The following FAM20C variants were observed in gnomAD, a reference collection of about 807,000 sequenced individuals.
FAM20C encodes extracellular serine/threonine protein kinase FAM20C.
In FAM20C, 40 loss-of-function variants were observed where a neutral mutation model predicts 51.5. The ratio of observed to expected loss-of-function variants is 0.78; its 90% CI spans 0.60 to 1.01. The LOEUF (loss-of-function observed/expected upper bound fraction) is 1.01. FAM20C is among the 50% of genes least tolerant of loss of function. The pLI is 0.00. For missense variants in FAM20C, 861 were observed against 844.7 expected (o/e 1.02, Z -0.24); for synonymous variants, 406 against 380.6 (o/e 1.07, Z -0.78).
At chr7:230,294 G>A (rs934460236) in intron 3 of FAM20C, among the ~76,000 whole-genome samples, 1 of 144,590 alleles carries the variant, frequency 6.9e-6, no homozygotes, top group Admixed American at 7.5e-5. Flanking sequence ...GAGGCAAGAA[G>A]GATCCTCCCT....
intron 2 of FAM20C, among the ~76,000 whole-genome samples, chr7:200,666 A>T (rs1001672030): frequency 6.6e-6 from 1 of 152,198 alleles, no homozygotes; most frequent in Non-Finnish European, 1.5e-5. Flanking sequence ...TTCAAAATAA[A>T]AGGGGCCTTG....
At chr7:205,994 C>T (rs960159903) in intron 2 of FAM20C, among the ~76,000 whole-genome samples, 4 of 152,122 alleles carry the variant, frequency 2.6e-5, no homozygotes, top group African/African-American at 9.7e-5. Context: ...CTCCCCCATC[C>T]CGCCATCTCC....
chr7:236,883 G>GGTTATGGT (rs1787865944), intron 3 of FAM20C, among the ~76,000 whole-genome samples: 1 of 152,008 alleles, frequency 6.6e-6, no homozygotes, highest in Admixed American at 6.5e-5. Flanking sequence ...TGGCTGTCGG[G>GGTTATGGT]CTCATCTGGA....
intron 3 of FAM20C, among the ~76,000 whole-genome samples, chr7:234,263 C>T (rs1583320963): frequency 1.3e-5 from 2 of 152,388 alleles, no homozygotes; most frequent in East Asian, 1.9e-4. Flanking sequence ...CTCAGAGCTG[C>T]GTCCTGGGCC....
At chr7:243,980 T>A (rs565357129) in intron 3 of FAM20C, among the ~76,000 whole-genome samples, 14 of 149,708 alleles carry the variant, frequency 9.4e-5, no homozygotes, top group Non-Finnish European at 1.9e-4. Context: ...AGGGTCTCAC[T>A]GTGTCATCCA....
At chr7:236,224 C>T (rs1004994044) in intron 3 of FAM20C, among the ~76,000 whole-genome samples, 20 of 98,820 alleles carry the variant, frequency 2.0e-4, no homozygotes, top group African/African-American at 9.4e-4. Context: ...GGTGAGAGGC[C>T]GAGCGGCTCC....
chr7:217,871 C>A (rs1221113244), intron 3 of FAM20C, among the ~76,000 whole-genome samples: 1 of 152,116 alleles, frequency 6.6e-6, no homozygotes, highest in African/African-American at 2.4e-5. Context: ...GGAAGAGGGG[C>A]CTGGCTGATG....
intron 5 of FAM20C, among the ~76,000 whole-genome samples, chr7:252,073 AC>A (rs201192767): frequency 0.019 from 2,923 of 152,306 alleles, 82 homozygotes; most frequent in African/African-American, 0.066. Context: ...CTCCTAGAGA[AC>A]AAAATCTGTT....
chr7:207,667 G>A (rs540405439), intron 2 of FAM20C, among the ~76,000 whole-genome samples: 32 of 152,364 alleles, frequency 2.1e-4, no homozygotes, highest in African/African-American at 7.0e-4. Flanking sequence ...TGATGTTGAC[G>A]TGTGACCAGT....
intron 5 of FAM20C, 57 bp from the exon 6 acceptor site, chr7:255,792 A>C: frequency 1.3e-6 from 2 of 1,528,942 alleles, no homozygotes; most frequent in African/African-American, 2.7e-5. Flanking sequence ...CCGTGAGACC[A>C]CAGGTGAGGA....
chr7:229,141 C>A, intron 3 of FAM20C: 1 of 315,052 alleles, frequency 3.2e-6, no homozygotes, highest in South Asian at 2.8e-5. Context: ...GATGAGGTCT[C>A]GTCATAACCT....
At chr7:219,688 C>T (rs1162846453) in intron 3 of FAM20C, among the ~76,000 whole-genome samples, 1 of 152,136 alleles carries the variant, frequency 6.6e-6, no homozygotes, top group Non-Finnish European at 1.5e-5. Flanking sequence ...TGAATCCTGC[C>T]AGGCAGGGAC....
chr7:229,770 A>G (rs1320431118), intron 3 of FAM20C, among the ~76,000 whole-genome samples: 1 of 152,160 alleles, frequency 6.6e-6, no homozygotes, highest in Non-Finnish European at 1.5e-5. Flanking sequence ...ACAGCTTAAT[A>G]TATCTCGCTA....
intron 8 of FAM20C, among the ~76,000 whole-genome samples, chr7:257,907 GC>G (rs1788670112): frequency 7.4e-6 from 1 of 135,520 alleles, no homozygotes. Flanking sequence ...CTGGAGATGG[GC>G]TGGGTGGACA....
At chr7:200,030 G>A (rs1279268004) in intron 2 of FAM20C, among the ~76,000 whole-genome samples, 1 of 152,234 alleles carries the variant, frequency 6.6e-6, no homozygotes, top group Non-Finnish European at 1.5e-5. Flanking sequence ...GCCAAAAGGG[G>A]AAGAATGAGT....
intron 3 of FAM20C, among the ~76,000 whole-genome samples, chr7:235,488 C>G (rs1047626131): frequency 4.6e-5 from 7 of 152,106 alleles, no homozygotes; most frequent in African/African-American, 1.7e-4. Flanking sequence ...CTATTCCACC[C>G]TGCACATAGT....
chr7:211,070 T>C (rs1786683776), intron 3 of FAM20C, among the ~76,000 whole-genome samples: 2 of 151,772 alleles, frequency 1.3e-5, no homozygotes, highest in African/African-American at 4.8e-5. Context: ...GGATCCAGTG[T>C]CCCCTTAAGC....
Position 255,879 on chromosome 7 carries a change from C to T in FAM20C, c.1103C>T (p.Ser368Phe). ...ANNICFYGEC[S>F]YYCSTEHALC... ...AACATCTGCTTCTACGGCGAGTGTTCCTACTACTGCTCCACGGAGCACGCC... is the reference window on the plus strand; with the variant it reads ...AACATCTGCTTCTACGGCGAGTGTTTCTACTACTGCTCCACGGAGCACGCC... The change falls in exon 6 of 10, where the codon TCC becomes TTC. Residue 368 changes from serine to phenylalanine, a missense_variant. This residue lies in a region of FAM20C where 31 missense variants were observed against 61.1 expected (regional missense o/e 0.51). Coordinates refer to ENST00000313766, the MANE Select transcript of FAM20C (RefSeq NM_020223.4). 4.6e-6 allele frequency: 7 copies of T among 1,536,446 alleles called. No homozygotes were observed. The highest frequency in any genetic ancestry group is 6.1e-6 in the Non-Finnish European group (7 of 1,146,850).
intron 9 of FAM20C, 143 bp from the exon 10 acceptor site, chr7:259,588 C>CTG: frequency 2.7e-6 from 1 of 371,912 alleles, no homozygotes; most frequent in Non-Finnish European, 3.7e-6. Flanking sequence ...ATGTCTCTGT[C>CTG]TTTTTCTCTC....
Sources: gnomAD v4.1 joint callset for allele counts (sites outside exome capture counted in the v4.1 genomes callset) on GRCh38, gnomAD v4.1.1 for gene constraint, gnomAD v4.1.1 regional missense constraint, MANE v1.5 for transcripts, NCBI Gene and HGNC (gene_info 2026-07-23, HGNC 2026-07-21) for gene names.